Variants in HCRTR2 observed in about 807,000 individuals in gnomAD.
HCRTR2 encodes the protein hypocretin receptor 2, also known as orexin receptor type 2.
A neutral mutation model predicts 49.0 loss-of-function variants in HCRTR2; 22 were observed. The ratio of observed to expected loss-of-function variants is 0.45; its 90% CI spans 0.32 to 0.64. The LOEUF (loss-of-function observed/expected upper bound fraction) is 0.64, where lower values mean the gene tolerates loss of function less well. Ranked by LOEUF, HCRTR2 falls within the 30% of genes least tolerant of loss-of-function variation. The pLI, the probability that HCRTR2 is intolerant of heterozygous loss-of-function variation, is 0.04. For synonymous variants in HCRTR2, 236 were observed against 205.3 expected (o/e 1.15, Z -1.28); for missense variants, 491 against 559.4 (o/e 0.88, Z 1.23).
At chr6:55,180,612 G>T (rs1161355095) in intron 1 of HCRTR2, among the ~76,000 whole-genome samples, 1 of 152,116 alleles carries the variant, frequency 6.6e-6, no homozygotes, top group Non-Finnish European at 1.5e-5. Context: ...GATAATTGTG[G>T]CCAAGGATTA....
chr6:55,137,118 A>C (rs1035861472), intron 1 of HCRTR2, among the ~76,000 whole-genome samples: 1 of 152,198 alleles, frequency 6.6e-6, no homozygotes, highest in Non-Finnish European at 1.5e-5. Flanking sequence ...ATGACTAATA[A>C]TCAAAGGTAT....
At chr6:55,196,982 C>A (rs896718631) in intron 1 of HCRTR2, among the ~76,000 whole-genome samples, 4 of 152,198 alleles carry the variant, frequency 2.6e-5, no homozygotes, top group East Asian at 3.9e-4. Flanking sequence ...ACACTAAACC[C>A]AATCTTATCT....
chr6:55,137,341 C>T (rs1764447050), intron 1 of HCRTR2, among the ~76,000 whole-genome samples: 1 of 152,130 alleles, frequency 6.6e-6, no homozygotes. Context: ...AAAACAGTAG[C>T]CTGTATTGCT....
intron 1 of HCRTR2, among the ~76,000 whole-genome samples, chr6:55,224,739 A>C (rs1199610175): frequency 6.6e-6 from 1 of 152,206 alleles, no homozygotes; most frequent in Non-Finnish European, 1.5e-5. Context: ...CCTGAAAAAC[A>C]TGTTAAGAGG....
At chr6:55,146,576 A>T (rs911415255) in intron 1 of HCRTR2, among the ~76,000 whole-genome samples, 4 of 101,822 alleles carry the variant, frequency 3.9e-5, no homozygotes, top group African/African-American at 1.1e-4. Flanking sequence ...AGCAAAGGTT[A>T]GTTAAAAAAA....
intron 1 of HCRTR2, among the ~76,000 whole-genome samples, chr6:55,202,870 A>C (rs535326245): frequency 6.6e-6 from 1 of 152,296 alleles, no homozygotes; most frequent in Non-Finnish European, 1.5e-5. Context: ...GGCAGGGATA[A>C]GTGGTATGAG....
At chr6:55,154,898 C>T (rs1435727831) in intron 1 of HCRTR2, among the ~76,000 whole-genome samples, 1 of 151,534 alleles carries the variant, frequency 6.6e-6, no homozygotes, top group Non-Finnish European at 1.5e-5. Flanking sequence ...AATGCAAAAT[C>T]AGTATACAAA....
chr6:55,277,581 A>T lies in HCRTR2; in HGVS notation c.964A>T (p.Ile322Phe). 1.2e-6 allele frequency: 2 copies of T among 1,611,882 alleles called. No individual in the cohort carries two copies. Among genetic ancestry groups the T allele is most frequent in the Non-Finnish European group, 1.7e-6 (2 of 1,178,098 alleles). Residue 322 changes from isoleucine (I) to phenylalanine (F), a missense_variant, in exon 5 of 7, where the codon ATC (isoleucine) becomes TTC (phenylalanine). Physicochemically the swap from Ile to Phe is conservative, Grantham distance 21. Transcript: ENST00000370862. ...TGCAATTTGCTATCTACCAATTAGCATCCTCAATGTGCTAAAGAGGTAAAA... is the reference window on the plus strand; with the variant it reads ...TGCAATTTGCTATCTACCAATTAGCTTCCTCAATGTGCTAAAGAGGTAAAA... ...VFAICYLPIS[I>F]LNVLKRVFGM...
intron 1 of HCRTR2, among the ~76,000 whole-genome samples, chr6:55,134,452 A>G (rs773442192): frequency 4.0e-5 from 6 of 151,668 alleles, no homozygotes; most frequent in Non-Finnish European, 7.4e-5. Flanking sequence ...CATAGGTACC[A>G]TTTGTGTGTG....
intron 1 of HCRTR2, among the ~76,000 whole-genome samples, chr6:55,140,691 TAAC>T (rs1193131565): frequency 2.0e-5 from 3 of 152,182 alleles, no homozygotes; most frequent in African/African-American, 7.2e-5. Flanking sequence ...ATGAAAGATC[TAAC>T]ATCATTTTGT....
At chr6:55,263,916 T>C (rs760645992) in intron 4 of HCRTR2, 94 bp downstream of exon 4, 2 of 786,424 alleles carry the variant, frequency 2.5e-6, no homozygotes, top group Non-Finnish European at 4.4e-6. Context: ...GCTTTTTTTT[T>C]AGGATGCACT....
rs529560735 is a variant in HCRTR2 at position 55,115,857 on chromosome 6, A to T, written c.-378+9312A>T. Reference sequence around the variant, plus strand: ...TAAGTTAAAATTTAAATATATATATATATTTGTATTTTTCAATTACTACAT... The same window carrying T: ...TAAGTTAAAATTTAAATATATATATTTATTTGTATTTTTCAATTACTACAT... On this transcript the variant is annotated intron_variant, in intron 1 of 7. Transcript: ENST00000615358. Among the ~76,000 whole-genome samples the T allele has an allele frequency of 6.3e-3, 954 of 151,298 alleles. 4 individuals carry two copies. The highest frequency in any genetic ancestry group is 0.018 in the South Asian group (88 of 4,822).
At chr6:55,143,289 CAAT>C (rs1291339127) in intron 1 of HCRTR2, among the ~76,000 whole-genome samples, 1 of 151,960 alleles carries the variant, frequency 6.6e-6, no homozygotes, top group Admixed American at 6.6e-5. Flanking sequence ...TCCTTATCTA[CAAT>C]GTCTTCTTTT....
intron 1 of HCRTR2, among the ~76,000 whole-genome samples, chr6:55,118,662 C>A (rs1430741410): frequency 6.6e-6 from 1 of 151,722 alleles, no homozygotes; most frequent in Non-Finnish European, 1.5e-5. Context: ...TGAGGATGAG[C>A]TTTTTTATTT....
Position 55,114,532 on chromosome 6 carries a change from C to T in HCRTR2, c.-378+7987C>T, listed in dbSNP as rs537338350. ...ACCAAATTCCGATAACCCAGATTAT[C>T]CAAATATTTGAAAGCCATTCAGAAT... On this transcript the variant is annotated intron_variant, in intron 1 of 7. Coordinates refer to the HCRTR2 transcript ENST00000615358. Among the ~76,000 whole-genome samples the T allele has an allele frequency of 1.7e-3, 252 of 151,812 alleles. 1 individual carries two copies. Among genetic ancestry groups the T allele is most frequent in the Non-Finnish European group, 3.1e-3 (207 of 67,770 alleles).
intron 1 of HCRTR2, among the ~76,000 whole-genome samples, chr6:55,113,375 A>G (rs1326107274): frequency 6.6e-6 from 1 of 152,110 alleles, no homozygotes; most frequent in African/African-American, 2.4e-5. Flanking sequence ...TTCACAAACT[A>G]TGCATGTGAC....
At chr6:55,125,933 C>T (rs1295629680) in intron 1 of HCRTR2, among the ~76,000 whole-genome samples, 5 of 152,010 alleles carry the variant, frequency 3.3e-5, no homozygotes, top group African/African-American at 1.2e-4. Context: ...GTATGCTTCA[C>T]GAAGTTCTCG....
intron 1 of HCRTR2, among the ~76,000 whole-genome samples, chr6:55,234,480 G>A (rs568868381): frequency 1.3e-5 from 2 of 152,250 alleles, no homozygotes; most frequent in African/African-American, 4.8e-5. Flanking sequence ...GTTAAAATAA[G>A]TCCAGATTTA....
intron 1 of HCRTR2, among the ~76,000 whole-genome samples, chr6:55,166,704 G>A (rs1290360764): frequency 6.6e-6 from 1 of 152,036 alleles, no homozygotes; most frequent in Non-Finnish European, 1.5e-5. Context: ...TCCCAGGCAT[G>A]CACCCAAGAG....
Sources: gnomAD v4.1 joint callset for allele counts (sites outside exome capture counted in the v4.1 genomes callset) on GRCh38, gnomAD v4.1.1 for gene constraint, MANE v1.5 for transcripts, NCBI Gene and HGNC (gene_info 2026-07-23, HGNC 2026-07-21) for gene names.